The following UQCC2 variants were observed in gnomAD, a reference collection of about 807,000 sequenced individuals.
The protein encoded by UQCC2 is breast cancer-associated protein SGA-81M.
UQCC2 carries 21 observed loss-of-function variants against 19.9 expected under a neutral mutation model. That is an observed-to-expected ratio of 1.05 (90% CI 0.75 to 1.52). The LOEUF is 1.52. Ranked by LOEUF, UQCC2 falls within the 40% of genes most tolerant of loss-of-function variation. The pLI, the probability that UQCC2 is intolerant of heterozygous loss-of-function variation, is 0.00. For missense variants in UQCC2, 135 were observed against 157.5 expected (o/e 0.86, Z 0.76); for synonymous variants, 57 against 60.9 (o/e 0.94, Z 0.30).
In UQCC2 at chr6:33,701,396, G is replaced by T. The variant is rs1236712559; in HGVS notation, c.163C>A (p.Gln55Lys). 6.2e-7 allele frequency: 1 copy of T among 1,613,518 alleles called. No homozygotes were observed. The highest frequency in any genetic ancestry group is 8.5e-7 in the Non-Finnish European group (1 of 1,179,820). Residue 55 changes from glutamine (Q) to lysine (K), a missense_variant, in exon 2 of 4, where the codon CAG (glutamine) becomes AAG (lysine). Coordinates refer to ENST00000607484, the MANE Select transcript of UQCC2 (RefSeq NM_032340.4). ...AGTCGCGCTAAGCTCTCGTACATCT[G>T]ATCACAGGCCTCAGGCTCTGCAACC... Reference protein sequence around the residue: ...TQVAEPEACDQMYESLARLHS... With the variant: ...TQVAEPEACDKMYESLARLHS...
At chr6:33,700,962 G>A (rs1192306544) in intron 2 of UQCC2, among the ~76,000 whole-genome samples, 2 of 152,210 alleles carry the variant, frequency 1.3e-5, no homozygotes, top group East Asian at 3.8e-4. Flanking sequence ...GCCCAGCTCC[G>A]TAAAAGGAGG....
intron 2 of UQCC2, 49 bp from the exon 3 acceptor site, chr6:33,700,562 A>T: frequency 6.3e-7 from 1 of 1,588,976 alleles, no homozygotes; most frequent in Non-Finnish European, 8.6e-7. Flanking sequence ...AGATCAGCAC[A>T]CAAGCCCTGC....
chr6:33,700,961 C>T (rs1293713609), intron 2 of UQCC2, among the ~76,000 whole-genome samples: 7 of 152,306 alleles, frequency 4.6e-5, no homozygotes, highest in Admixed American at 3.9e-4. Context: ...GGCCCAGCTC[C>T]GTAAAAGGAG....
intron 1 of UQCC2, among the ~76,000 whole-genome samples, chr6:33,708,713 G>A (rs559482348): frequency 7.2e-5 from 11 of 152,306 alleles, no homozygotes; most frequent in Non-Finnish European, 1.5e-4. Flanking sequence ...GTTTAATGAA[G>A]AGCCTACCAG....
At chr6:33,701,443 G>A in intron 1 of UQCC2, 23 bp from the exon 2 acceptor site, 1 of 1,611,944 alleles carries the variant, frequency 6.2e-7, no homozygotes, top group Non-Finnish European at 8.5e-7. Flanking sequence ...GAATCCCAAA[G>A]GAGGTGAGCA....
chr6:33,697,818 A>T, intron 3 of UQCC2, 68 bp from the exon 4 acceptor site: 1 of 1,334,312 alleles, frequency 7.5e-7, no homozygotes, highest in Non-Finnish European at 1.1e-6. Flanking sequence ...GATTGGACCC[A>T]CTGGGCTTTC....
At chr6:33,711,519 C>T (rs745744073) in intron 1 of UQCC2, 30 bp downstream of exon 1, 2 of 1,581,184 alleles carry the variant, frequency 1.3e-6, no homozygotes, top group East Asian at 2.3e-5. Context: ...CCTTTCCTCC[C>T]CTCGTCCCAG....
chr6:33,700,041 ACT>A (rs1286915381), intron 3 of UQCC2, among the ~76,000 whole-genome samples: 3 of 151,962 alleles, frequency 2.0e-5, no homozygotes, highest in African/African-American at 7.3e-5. Flanking sequence ...GGGTCACATA[ACT>A]CTTAGGCGGA....
At chr6:33,701,679 G>T (rs1765642153) in intron 1 of UQCC2, among the ~76,000 whole-genome samples, 1 of 152,040 alleles carries the variant, frequency 6.6e-6, no homozygotes, top group Non-Finnish European at 1.5e-5. Context: ...ACAAGCATTT[G>T]TTGAGCATCT....
intron 1 of UQCC2, among the ~76,000 whole-genome samples, chr6:33,708,311 G>A (rs1020890916): frequency 1.6e-4 from 24 of 152,212 alleles, no homozygotes; most frequent in Non-Finnish European, 3.1e-4. Flanking sequence ...CAGGCACCCA[G>A]GAGACGATGC....
At chr6:33,705,349 T>TG in intron 1 of UQCC2, among the ~76,000 whole-genome samples, 1 of 117,666 alleles carries the variant, frequency 8.5e-6, no homozygotes, top group South Asian at 5.4e-4. Flanking sequence ...TTCTGAAACT[T>TG]CCTGTGTGAA....
intron 1 of UQCC2, among the ~76,000 whole-genome samples, chr6:33,707,335 G>A (rs945269167): frequency 6.6e-6 from 1 of 152,210 alleles, no homozygotes; most frequent in Non-Finnish European, 1.5e-5. Context: ...CCACAAGTGG[G>A]GGTGAGCAAC....
intron 3 of UQCC2, among the ~76,000 whole-genome samples, chr6:33,698,907 ATAT>A (rs1765605016): frequency 6.6e-6 from 1 of 152,182 alleles, no homozygotes; most frequent in Admixed American, 6.5e-5. Flanking sequence ...TATTCTTATA[ATAT>A]TGTTTTGCTT....
chr6:33,708,498 T>C (rs1057157200), intron 1 of UQCC2, among the ~76,000 whole-genome samples: 1 of 152,132 alleles, frequency 6.6e-6, no homozygotes, highest in Non-Finnish European at 1.5e-5. Context: ...AAAGGTGCAC[T>C]GTGCACCTTT....
chr6:33,711,418 G>A lies in UQCC2; in HGVS notation c.138+131C>T, dbSNP rs965341044. On this transcript the variant is annotated intron_variant, in intron 1 of 3. Transcript: ENST00000607484. ...ATCAGTAGCTCCCTGGGGGAAAAAG[G>A]GGGTCCGCGCTCACGTGCTGCCTGG... is the stretch of plus-strand genomic sequence containing the variant. 86 of 1,321,880 alleles carry A rather than the reference G, an allele frequency of 6.5e-5. No homozygotes were observed. In the South Asian group the frequency reaches 7.8e-4, roughly 12 times the overall value. The allele number at this position is 1,321,880 out of a possible 1,614,324, so 81.9% of individuals were successfully genotyped here.
intron 3 of UQCC2, among the ~76,000 whole-genome samples, chr6:33,698,964 A>G (rs1290370207): frequency 1.3e-5 from 2 of 152,154 alleles, no homozygotes; most frequent in Non-Finnish European, 2.9e-5. Flanking sequence ...TGGAGAAAAA[A>G]AGAGTATCTT....
chr6:33,701,516 A>G, intron 1 of UQCC2, 96 bp from the exon 2 acceptor site: 3 of 1,269,664 alleles, frequency 2.4e-6, no homozygotes, highest in Non-Finnish European at 2.2e-6. Flanking sequence ...TAAAGCGTTC[A>G]CATGAAGCAG....
intron 1 of UQCC2, among the ~76,000 whole-genome samples, chr6:33,710,951 C>T (rs944148064): frequency 6.6e-6 from 1 of 152,180 alleles, no homozygotes; most frequent in Non-Finnish European, 1.5e-5. Flanking sequence ...AGGAAGAACG[C>T]AAACGCTTAG....
rs528530562 is a variant in UQCC2, at chr6:33,705,690, C to A, written c.139-4270G>T. On this transcript the variant is annotated intron_variant, in intron 1 of 3. Coordinates refer to ENST00000607484, the MANE Select transcript of UQCC2 (RefSeq NM_032340.4). The stretch of plus-strand genomic sequence containing the variant: ...GGAGACATCTGTCGAATTCCAGAAG[C>A]CTCACCACGTTCCTATAGCTTACAC... Among the ~76,000 whole-genome samples, 11 of 152,316 alleles carry A rather than the reference C, an allele frequency of 7.2e-5. No homozygotes were observed. In the East Asian group the frequency reaches 2.1e-3, roughly 29 times the overall value.
Sources: gnomAD v4.1 joint callset for allele counts (sites outside exome capture counted in the v4.1 genomes callset) on GRCh38, gnomAD v4.1.1 for gene constraint, MANE v1.5 for transcripts, NCBI Gene and HGNC (gene_info 2026-07-23, HGNC 2026-07-21) for gene names.